NUBPL: variants seen among roughly 807,000 people sequenced by gnomAD.
NUBPL encodes NUBP iron-sulfur cluster assembly factor, mitochondrial, also known as iron-sulfur cluster transfer protein NUBPL.
Under a neutral mutation model 45.7 loss-of-function variants are expected in NUBPL, and 31 were observed. The ratio of observed to expected loss-of-function variants is 0.68; its 90% confidence interval spans 0.51 to 0.92. The LOEUF (loss-of-function observed/expected upper bound fraction) is 0.92, where lower values mean the gene tolerates loss of function less well. Ranked by LOEUF, NUBPL falls within the 40% of genes least tolerant of loss-of-function variation. The pLI, the probability that NUBPL is intolerant of heterozygous loss-of-function variation, is 0.00. For synonymous variants in NUBPL, 144 were observed against 140.9 expected, an observed-to-expected ratio of 1.02 and a Z score of -0.15; for missense variants, 401 against 398.7, an observed-to-expected ratio of 1.01 and a Z score of -0.05.
At chr14:31,704,576 T>C (rs1227521522) in intron 6 of NUBPL, among the ~76,000 whole-genome samples, 1 of 151,876 alleles carries the variant, frequency 6.6e-6, no homozygotes, top group African/African-American at 2.4e-5. Flanking sequence ...GACAGGAGAA[T>C]CGCTTGAACC....
At chr14:31,563,320 G>C (rs1475034070) in intron 2 of NUBPL, among the ~76,000 whole-genome samples, 6 of 152,176 alleles carry the variant, frequency 3.9e-5, no homozygotes, top group Non-Finnish European at 8.8e-5. Flanking sequence ...TGGGTCTGTA[G>C]GCTGGCACTT....
intron 4 of NUBPL, among the ~76,000 whole-genome samples, chr14:31,645,976 G>T (rs746102776): frequency 1.3e-5 from 2 of 151,692 alleles, no homozygotes; most frequent in African/African-American, 2.4e-5. Context: ...CTTACCAGTG[G>T]GTTTTATACT....
chr14:31,566,982 T>C (rs2033452480), intron 3 of NUBPL, among the ~76,000 whole-genome samples: 1 of 152,206 alleles, frequency 6.6e-6, no homozygotes, highest in Admixed American at 6.5e-5. Flanking sequence ...TTTGGACTTC[T>C]GTGATAATAT....
chr14:31,809,957 T>C (rs1023917481), intron 7 of NUBPL, among the ~76,000 whole-genome samples: 2 of 152,248 alleles, frequency 1.3e-5, no homozygotes, highest in African/African-American at 4.8e-5. Flanking sequence ...TGAGTTCTAA[T>C]TTGATTGCAC....
intron 7 of NUBPL, among the ~76,000 whole-genome samples, chr14:31,825,482 T>A (rs192140655): frequency 2.1e-4 from 32 of 152,010 alleles, no homozygotes; most frequent in African/African-American, 6.8e-4. Flanking sequence ...TCTTTTCTTC[T>A]TGTTCTTTCT....
intron 8 of NUBPL, among the ~76,000 whole-genome samples, chr14:31,841,554 A>G (rs2040369034): frequency 1.3e-5 from 2 of 151,574 alleles, no homozygotes; most frequent in African/African-American, 2.4e-5. Context: ...TGTGTATTGT[A>G]TATACCATCT....
chr14:31,638,107 A>G (rs1396810126), intron 4 of NUBPL, among the ~76,000 whole-genome samples: 1 of 151,206 alleles, frequency 6.6e-6, no homozygotes, highest in African/African-American at 2.4e-5. Flanking sequence ...TAATATTGTT[A>G]TGTGTGAATT....
intron 6 of NUBPL, among the ~76,000 whole-genome samples, chr14:31,723,823 A>C (rs1282495063): frequency 7.9e-5 from 12 of 152,220 alleles, no homozygotes; most frequent in Admixed American, 7.8e-4. Context: ...GAAGTTGTTT[A>C]TCAGCGTAAG....
chr14:31,654,920 A>G (rs1440877495), intron 4 of NUBPL, among the ~76,000 whole-genome samples: 1 of 152,218 alleles, frequency 6.6e-6, no homozygotes, highest in Non-Finnish European at 1.5e-5. Context: ...TGTCATTTCA[A>G]CAAAGTTCAC....
At chr14:31,825,777 C>T (rs1182588166) in intron 7 of NUBPL, among the ~76,000 whole-genome samples, 2 of 148,216 alleles carry the variant, frequency 1.3e-5, no homozygotes, top group African/African-American at 5.0e-5. Context: ...CTTCCTCCTC[C>T]TTTTTCTTCT....
At chr14:31,671,741 A>G (rs949950764) in intron 4 of NUBPL, among the ~76,000 whole-genome samples, 7 of 152,202 alleles carry the variant, frequency 4.6e-5, no homozygotes, top group Admixed American at 2.6e-4. Context: ...ATAAACATAC[A>G]CTCATTGAGT....
intron 8 of NUBPL, among the ~76,000 whole-genome samples, chr14:31,830,391 G>T (rs995453544): frequency 6.6e-6 from 1 of 152,110 alleles, no homozygotes; most frequent in African/African-American, 2.4e-5. Context: ...ATTCTGAGAT[G>T]CATGAAAACA....
intron 7 of NUBPL, among the ~76,000 whole-genome samples, chr14:31,799,108 G>A (rs958654542): frequency 7.2e-5 from 11 of 152,136 alleles, no homozygotes; most frequent in Non-Finnish European, 2.9e-5. Context: ...AAAATCAGAT[G>A]TTTTATACTT....
intron 4 of NUBPL, among the ~76,000 whole-genome samples, chr14:31,621,970 C>T (rs1025181677): frequency 6.6e-6 from 1 of 152,152 alleles, no homozygotes; most frequent in African/African-American, 2.4e-5. Context: ...AAGTTTAGAA[C>T]TTCCTAGTGT....
chr14:31,802,569 C>A (rs1334113355), intron 7 of NUBPL, among the ~76,000 whole-genome samples: 1 of 152,198 alleles, frequency 6.6e-6, no homozygotes, highest in Non-Finnish European at 1.5e-5. Flanking sequence ...AGCCACCGTA[C>A]CTGGCCGCCC....
At chr14:31,680,060 A>G (rs1208849897) in intron 6 of NUBPL, among the ~76,000 whole-genome samples, 4 of 152,180 alleles carry the variant, frequency 2.6e-5, no homozygotes, top group African/African-American at 9.6e-5. Flanking sequence ...ACAGAAACAT[A>G]TACTACTGAT....
chr14:31,696,190 A>G (rs946214736), intron 6 of NUBPL, among the ~76,000 whole-genome samples: 5 of 152,216 alleles, frequency 3.3e-5, no homozygotes, highest in African/African-American at 1.2e-4. Flanking sequence ...CTCCTGCTGC[A>G]GCCTTCTGGT....
At chr14:31,787,326 TTTA>T (rs2039302246) in intron 6 of NUBPL, among the ~76,000 whole-genome samples, 1 of 152,226 alleles carries the variant, frequency 6.6e-6, no homozygotes, top group African/African-American at 2.4e-5. Context: ...TATTAAATTT[TTTA>T]TTATTAAGTT....
At chr14:31,642,063 G>A (rs2035717886) in intron 4 of NUBPL, among the ~76,000 whole-genome samples, 2 of 151,990 alleles carry the variant, frequency 1.3e-5, no homozygotes. Flanking sequence ...TTGAACTCCT[G>A]CTATGTTCTC....
Sources: gnomAD v4.1 joint callset for allele counts (sites outside exome capture counted in the v4.1 genomes callset) on GRCh38, gnomAD v4.1.1 for gene constraint, MANE v1.5 for transcripts, NCBI Gene and HGNC (gene_info 2026-07-23, HGNC 2026-07-21) for gene names.